The following RIMS2 variants were observed in gnomAD, a reference collection of about 807,000 sequenced individuals.
RIMS2 encodes regulating synaptic membrane exocytosis 2.
RIMS2 carries 59 observed loss-of-function variants against 174.4 expected under a neutral mutation model. The observed-to-expected ratio is 0.34, with a 90% confidence interval of 0.27 to 0.42. The LOEUF is 0.42. RIMS2 is among the 10% of genes least tolerant of loss of function. The pLI, the probability that RIMS2 is intolerant of heterozygous loss-of-function variation, is 1.00. For missense variants in RIMS2, 1,620 were observed against 1,666.3 expected, an observed-to-expected ratio of 0.97 and a Z score of 0.48; for synonymous variants, 606 against 572.5, an observed-to-expected ratio of 1.06 and a Z score of -0.84.
chr8:104,193,814 C>T (rs956723749), intron 19 of RIMS2, among the ~76,000 whole-genome samples: 2 of 152,168 alleles, frequency 1.3e-5, no homozygotes, highest in Non-Finnish European at 2.9e-5. Context: ...ATTCCTAACC[C>T]TTGCTCATTT....
At chr8:103,587,605 C>T (rs2094022546) in intron 1 of RIMS2, among the ~76,000 whole-genome samples, 1 of 151,854 alleles carries the variant, frequency 6.6e-6, no homozygotes, top group South Asian at 2.1e-4. Flanking sequence ...GCAAGGATGG[C>T]TCAACGTACA....
intron 3 of RIMS2, among the ~76,000 whole-genome samples, chr8:103,868,841 G>A (rs1053027105): frequency 2.5e-4 from 38 of 152,010 alleles, no homozygotes; most frequent in Non-Finnish European, 7.4e-5. Flanking sequence ...AGCTACAAAT[G>A]TAGTCCTATA....
intron 19 of RIMS2, among the ~76,000 whole-genome samples, chr8:104,188,335 C>G (rs1454050817): frequency 6.6e-6 from 1 of 151,426 alleles, no homozygotes; most frequent in African/African-American, 2.4e-5. Flanking sequence ...CTAGAGCTAT[C>G]CAGAGCTTAA....
At chr8:103,796,182 T>G (rs2098548888) in intron 3 of RIMS2, among the ~76,000 whole-genome samples, 1 of 152,182 alleles carries the variant, frequency 6.6e-6, no homozygotes, top group South Asian at 2.1e-4. Context: ...TCTACTTGGT[T>G]TCCTGAAACG....
intron 3 of RIMS2, among the ~76,000 whole-genome samples, chr8:103,874,123 T>C (rs1472540719): frequency 6.6e-6 from 1 of 152,064 alleles, no homozygotes; most frequent in African/African-American, 2.4e-5. Context: ...TGACTCCATT[T>C]GGGGAAGGTT....
At chr8:104,176,686 A>G (rs2441885) in intron 19 of RIMS2, among the ~76,000 whole-genome samples, 42,121 of 150,798 alleles carry the variant, frequency 0.28, 6,702 homozygotes, top group South Asian at 0.48. Flanking sequence ...TTTTCATATC[A>G]TTATATATGA....
intron 14 of RIMS2, among the ~76,000 whole-genome samples, chr8:103,960,666 T>A (rs777526417): frequency 1.1e-4 from 17 of 152,174 alleles, no homozygotes; most frequent in Non-Finnish European, 2.9e-5. Context: ...TAACACATTG[T>A]GTTTTGAAAT....
chr8:103,865,348 G>T (rs1197120481), intron 3 of RIMS2, among the ~76,000 whole-genome samples: 1 of 133,596 alleles, frequency 7.5e-6, no homozygotes, highest in African/African-American at 2.9e-5. Context: ...GCAGTGGCAT[G>T]ATCTCGGATC....
At chr8:104,121,194 A>G (rs1327094072) in intron 19 of RIMS2, among the ~76,000 whole-genome samples, 2 of 152,228 alleles carry the variant, frequency 1.3e-5, no homozygotes, top group Admixed American at 1.3e-4. Context: ...CTGCTATTAT[A>G]AAGATATATT....
chr8:103,969,281 T>C (rs1221026388), intron 15 of RIMS2, among the ~76,000 whole-genome samples: 1 of 152,120 alleles, frequency 6.6e-6, no homozygotes, highest in East Asian at 1.9e-4. Context: ...AAATCTTTCT[T>C]CTGTTTCTTT....
chr8:104,144,047 A>T (rs1315293955), intron 19 of RIMS2, among the ~76,000 whole-genome samples: 1 of 152,130 alleles, frequency 6.6e-6, no homozygotes, highest in Non-Finnish European at 1.5e-5. Flanking sequence ...ACATCTTCCA[A>T]TAATCCCTAT....
intron 19 of RIMS2, among the ~76,000 whole-genome samples, chr8:104,037,729 C>G (rs1265470836): frequency 6.6e-6 from 1 of 152,114 alleles, no homozygotes; most frequent in Non-Finnish European, 1.5e-5. Context: ...TAAAATCTCA[C>G]ATCATATTCT....
chr8:103,894,501 A>G (rs2099266070), intron 4 of RIMS2, among the ~76,000 whole-genome samples: 2 of 151,588 alleles, frequency 1.3e-5, no homozygotes, highest in Non-Finnish European at 2.9e-5. Context: ...AAATGTATTA[A>G]AAGGGATAAA....
exon 12 of RIMS2, chr8:103,931,302 G>C: frequency 6.2e-7 from 1 of 1,604,476 alleles, no homozygotes; most frequent in South Asian, 1.1e-5. Context: ...CCAATTAATA[G>C]TTACAATTTT....
chr8:104,140,937 G>A (rs937731071), intron 19 of RIMS2, among the ~76,000 whole-genome samples: 17 of 152,168 alleles, frequency 1.1e-4, no homozygotes, highest in Non-Finnish European at 2.9e-5. Context: ...TACAGTTTTT[G>A]TAAGATACAT....
At chr8:104,071,706 G>A (rs1268687201) in intron 19 of RIMS2, among the ~76,000 whole-genome samples, 5 of 152,074 alleles carry the variant, frequency 3.3e-5, no homozygotes, top group Non-Finnish European at 5.9e-5. Flanking sequence ...AAAGTGCTGG[G>A]ATTACAGGCA....
chr8:104,115,294 C>G (rs2098262094), intron 19 of RIMS2, among the ~76,000 whole-genome samples: 1 of 151,954 alleles, frequency 6.6e-6, no homozygotes, highest in South Asian at 2.1e-4. Context: ...TGCTTGATGT[C>G]TTTACTGAAT....
intron 3 of RIMS2, among the ~76,000 whole-genome samples, chr8:103,835,439 T>C (rs1364003929): frequency 6.8e-6 from 1 of 147,968 alleles, no homozygotes; most frequent in Non-Finnish European, 1.5e-5. Flanking sequence ...CCTTCAGGCA[T>C]TGATTGAATT....
At chr8:103,947,123 C>G (rs192952228) in intron 14 of RIMS2, among the ~76,000 whole-genome samples, 41 of 152,216 alleles carry the variant, frequency 2.7e-4, no homozygotes, top group Non-Finnish European at 5.4e-4. Context: ...ATAGACCCAG[C>G]TGTAAGAGTT....
Sources: allele counts gnomAD v4.1 joint callset (sites outside exome capture counted in the v4.1 genomes callset), GRCh38; gene constraint gnomAD v4.1.1; transcripts MANE v1.5; gene names NCBI Gene and HGNC (gene_info 2026-07-23, HGNC 2026-07-21).